Variants in CDH13 observed in about 807,000 individuals in gnomAD.
CDH13 encodes cadherin 13, also known as cadherin-13.
CDH13 carries 24 observed loss-of-function variants against 63.8 expected under a neutral mutation model. The ratio of observed to expected loss-of-function variants is 0.38; its 90% CI spans 0.27 to 0.53. The LOEUF (loss-of-function observed/expected upper bound fraction) is 0.53. Ranked by LOEUF, CDH13 falls within the 20% of genes least tolerant of loss-of-function variation. CDH13 has a pLI of 0.85. For synonymous variants in CDH13, 503 were observed against 355.3 expected, an observed-to-expected ratio of 1.42 and a Z score of -4.67; for missense variants, 1,049 against 903.1, an observed-to-expected ratio of 1.16 and a Z score of -2.07.
intron 10 of CDH13, among the ~76,000 whole-genome samples, chr16:83,698,176 G>T (rs1044958743): frequency 5.9e-5 from 9 of 152,258 alleles, no homozygotes; most frequent in Non-Finnish European, 1.5e-5. Context: ...TAACCAGGCT[G>T]TACTGTACAG....
intron 1 of CDH13, among the ~76,000 whole-genome samples, chr16:82,774,322 A>AT (rs5818404): frequency 3.5e-4 from 51 of 147,672 alleles, no homozygotes; most frequent in African/African-American, 1.1e-3. Context: ...ACTTCAGTTC[A>AT]TTTTTTTTTT....
chr16:82,756,915 C>G (rs1390669890), intron 1 of CDH13, among the ~76,000 whole-genome samples: 2 of 152,168 alleles, frequency 1.3e-5, no homozygotes, highest in Non-Finnish European at 2.9e-5. Context: ...CTGTGAGGGC[C>G]AGGATTTGGG....
intron 3 of CDH13, among the ~76,000 whole-genome samples, chr16:83,034,770 G>A (rs999841434): frequency 3.3e-5 from 5 of 152,172 alleles, no homozygotes; most frequent in African/African-American, 1.2e-4. Flanking sequence ...CCCACCTTGA[G>A]GGCCTGGGAG....
chr16:83,186,433 G>A (rs570346232), intron 4 of CDH13, among the ~76,000 whole-genome samples: 8 of 152,102 alleles, frequency 5.3e-5, no homozygotes, highest in South Asian at 4.1e-4. Context: ...CACAGCGCCC[G>A]GCCTAATGGC....
chr16:82,797,484 T>C (rs1480273859), intron 1 of CDH13, among the ~76,000 whole-genome samples: 1 of 152,190 alleles, frequency 6.6e-6, no homozygotes, highest in Non-Finnish European at 1.5e-5. Context: ...AGCAAGCTTC[T>C]CATCACATCA....
At chr16:83,710,793 C>T (rs1471214108) in intron 10 of CDH13, among the ~76,000 whole-genome samples, 1 of 152,172 alleles carries the variant, frequency 6.6e-6, no homozygotes, top group Admixed American at 6.5e-5. Flanking sequence ...ATAAACAGGG[C>T]TGTTTATGCT....
rs76431987 is a variant in CDH13 at position 83,318,117 on chromosome 16, C to T, written c.637-26745C>T. On this transcript the variant is annotated intron_variant, in intron 5 of 13. Transcript: ENST00000567109. ...AGTAACTAGAAAGATTGAAAAGATC[C>T]AGTATTTGTAACACAGTGTCTAAAA... Among the ~76,000 whole-genome samples the T allele has an allele frequency of 8.1e-3, 1,229 of 152,180 alleles. 7 individuals carry two copies. The highest frequency in any genetic ancestry group is 0.011 in the Non-Finnish European group (731 of 68,010).
At chr16:83,154,372 T>C (rs561661209) in intron 4 of CDH13, among the ~76,000 whole-genome samples, 5 of 152,018 alleles carry the variant, frequency 3.3e-5, no homozygotes, top group East Asian at 1.9e-4. Context: ...CAGGCCAACA[T>C]GGTGAAACCC....
intron 10 of CDH13, among the ~76,000 whole-genome samples, chr16:83,695,991 G>A (rs1001370187): frequency 6.6e-6 from 1 of 151,836 alleles, no homozygotes; most frequent in African/African-American, 2.4e-5. Flanking sequence ...CTGGGCTCAA[G>A]GGATCCTCCC....
intron 6 of CDH13, among the ~76,000 whole-genome samples, chr16:83,440,821 T>A (rs2072459944): frequency 1.3e-5 from 2 of 148,750 alleles, no homozygotes; most frequent in South Asian, 4.3e-4. Context: ...GGGAGATTAA[T>A]CCTGGTGCCC....
chr16:83,184,322 C>T (rs1368764051), intron 4 of CDH13, among the ~76,000 whole-genome samples: 1 of 152,074 alleles, frequency 6.6e-6, no homozygotes, highest in Non-Finnish European at 1.5e-5. Context: ...AAAAGTAAAA[C>T]TCTGTCGACT....
chr16:82,939,725 C>T (rs2063556102), intron 2 of CDH13, among the ~76,000 whole-genome samples: 1 of 152,202 alleles, frequency 6.6e-6, no homozygotes, highest in African/African-American at 2.4e-5. Flanking sequence ...CCACTAGCTG[C>T]AAAGGTTACC....
intron 1 of CDH13, among the ~76,000 whole-genome samples, chr16:82,822,647 G>T (rs985365526): frequency 6.6e-6 from 1 of 151,988 alleles, no homozygotes; most frequent in African/African-American, 2.4e-5. Flanking sequence ...GGTGTGCACC[G>T]CCACACCTGG....
intron 7 of CDH13, among the ~76,000 whole-genome samples, chr16:83,526,953 G>A (rs1256778501): frequency 1.3e-5 from 2 of 152,068 alleles, no homozygotes; most frequent in African/African-American, 4.8e-5. Context: ...CCAACATGGT[G>A]AAACCCCGTC....
chr16:82,795,611 C>G (rs62036787), intron 1 of CDH13, among the ~76,000 whole-genome samples: 4 of 152,178 alleles, frequency 2.6e-5, no homozygotes, highest in South Asian at 2.1e-4. Context: ...TAAGGAGAAG[C>G]TTACACACCT....
At chr16:83,514,229 C>T (rs1258971843) in intron 7 of CDH13, among the ~76,000 whole-genome samples, 1 of 152,174 alleles carries the variant, frequency 6.6e-6, no homozygotes, top group Admixed American at 6.5e-5. Context: ...TGACTAGGGT[C>T]CTCCCCAAAT....
At chr16:83,230,866 C>A (rs2039982841) in intron 5 of CDH13, among the ~76,000 whole-genome samples, 1 of 152,196 alleles carries the variant, frequency 6.6e-6, no homozygotes, top group Non-Finnish European at 1.5e-5. Context: ...AATTTTGGGT[C>A]AGCCCAGGAA....
At chr16:83,394,756 G>C (rs7192189) in intron 6 of CDH13, among the ~76,000 whole-genome samples, 15,199 of 152,170 alleles carry the variant, frequency 0.1, 892 homozygotes, top group African/African-American at 0.15. Context: ...GAGCCAGACT[G>C]GTAGCAATGG....
intron 1 of CDH13, among the ~76,000 whole-genome samples, chr16:82,684,286 AG>A (rs1914843472): frequency 1.3e-5 from 2 of 152,166 alleles, no homozygotes; most frequent in Admixed American, 1.3e-4. Context: ...GTCTGACATA[AG>A]GGTTTCCTTG....
Sources: allele counts gnomAD v4.1 joint callset (sites outside exome capture counted in the v4.1 genomes callset), GRCh38; gene constraint gnomAD v4.1.1; transcripts MANE v1.5; gene names NCBI Gene and HGNC (gene_info 2026-07-23, HGNC 2026-07-21).